ZSCAN5A: variants seen among roughly 807,000 people sequenced by gnomAD.
ZSCAN5A encodes zinc finger and SCAN domain-containing protein 5A.
Under a neutral mutation model 23.7 loss-of-function variants are expected in ZSCAN5A, and 12 were observed. That is an observed-to-expected ratio of 0.51 (90% CI 0.32 to 0.82). The LOEUF (loss-of-function observed/expected upper bound fraction) is 0.82. Ranked by LOEUF, ZSCAN5A falls within the 40% of genes least tolerant of loss-of-function variation. ZSCAN5A has a pLI of 0.03. For missense variants in ZSCAN5A, 597 were observed against 617.9 expected (o/e 0.97, Z 0.36); for synonymous variants, 257 against 239.9 (o/e 1.07, Z -0.66).
intron 2 of ZSCAN5A, chr19:56,299,724 CTTAG>C (rs1345980093): frequency 3.3e-5 from 5 of 152,142 alleles, no homozygotes; most frequent in South Asian, 2.1e-4. Context: ...GTAAATGCTC[CTTAG>C]TTATTGTACT....
At chr19:56,259,949 G>A (rs1324480201) in intron 2 of ZSCAN5A, among the ~76,000 whole-genome samples, 3 of 152,190 alleles carry the variant, frequency 2.0e-5, no homozygotes, top group Non-Finnish European at 2.9e-5. Flanking sequence ...ACGCCAGCCT[G>A]GGTGACAGAG....
rs1382185839 is a variant in ZSCAN5A at position 56,355,156 on chromosome 19, G to A, written c.-358+8079C>T. Among the ~76,000 whole-genome samples the A allele has an allele frequency of 2.4e-5, 3 of 124,914 alleles. 1 individual carries two copies. The highest frequency in any genetic ancestry group is 1.0e-4 in the African/African-American group (3 of 29,928). The allele number at this position is 124,914 out of a possible 152,430, so 81.9% of individuals were successfully genotyped here. On this transcript the variant is annotated intron_variant, in intron 2 of 6. Coordinates refer to the ZSCAN5A transcript ENST00000587340. ...TTTTGTTCCCAATTGACAGCTCCACGGGTCTCCCATACATAATTTCAGAAG... is the reference window on the plus strand; with the variant it reads ...TTTTGTTCCCAATTGACAGCTCCACAGGTCTCCCATACATAATTTCAGAAG...
intron 2 of ZSCAN5A, chr19:56,348,231 G>GTC (rs887374903): frequency 4.6e-5 from 7 of 152,178 alleles, no homozygotes; most frequent in African/African-American, 7.2e-5. Flanking sequence ...ACTAGAGCTA[G>GTC]TCTCTCTCTG....
At chr19:56,366,233 G>C (rs1364545388) in intron 1 of ZSCAN5A, among the ~76,000 whole-genome samples, 1 of 151,974 alleles carries the variant, frequency 6.6e-6, no homozygotes, top group Non-Finnish European at 1.5e-5. Context: ...CACGAGGTCA[G>C]AGATCGAGAC....
intron 2 of ZSCAN5A, among the ~76,000 whole-genome samples, chr19:56,335,367 CAT>C (rs1173867572): frequency 1.3e-5 from 2 of 152,050 alleles, no homozygotes; most frequent in East Asian, 3.9e-4. Context: ...ATTTGGAAAA[CAT>C]ATTTTAGGAT....
chr19:56,227,242 C>A (rs1289985698), intron 2 of ZSCAN5A, among the ~76,000 whole-genome samples: 1 of 152,142 alleles, frequency 6.6e-6, no homozygotes, highest in Non-Finnish European at 1.5e-5. Flanking sequence ...AGCCATTTAA[C>A]AATGTTTGTA....
intron 2 of ZSCAN5A, among the ~76,000 whole-genome samples, chr19:56,333,301 A>G (rs183623901): frequency 3.3e-5 from 5 of 152,052 alleles, no homozygotes; most frequent in African/African-American, 7.2e-5. Flanking sequence ...TCATTAATTC[A>G]TAAGTTTGGT....
Position 56,351,007 on chromosome 19 carries a change from C to T in ZSCAN5A, c.-358+12228G>A, listed in dbSNP as rs757576329. Among the ~76,000 whole-genome samples, 2 of 151,940 alleles carry T rather than the reference C, an allele frequency of 1.3e-5. No homozygotes were observed. The highest frequency in any genetic ancestry group is 2.4e-5 in the African/African-American group (1 of 41,342). ...CAATTGCTGTCCCCCCCCAACCACA[C>T]GCCCCTTTTCAGCAGACAGTACCCA... On this transcript the variant is annotated intron_variant, in intron 2 of 6. Coordinates refer to the ZSCAN5A transcript ENST00000587340. This position sits in a 1 kb window ranked among gnomAD's most constrained non-coding sequence, Gnocchi z 4.8.
At chr19:56,289,035 G>T (rs2039334161) in intron 2 of ZSCAN5A, among the ~76,000 whole-genome samples, 1 of 152,174 alleles carries the variant, frequency 6.6e-6, no homozygotes, top group South Asian at 2.1e-4. Flanking sequence ...AGCATCATCA[G>T]TACAGATTCT....
chr19:56,238,407 A>G (rs1014425769), intron 2 of ZSCAN5A, among the ~76,000 whole-genome samples: 3 of 152,192 alleles, frequency 2.0e-5, no homozygotes, highest in East Asian at 1.9e-4. Flanking sequence ...CACCAAGGAC[A>G]GGTAGAGGCC....
chr19:56,360,893 G>A (rs761779457), intron 2 of ZSCAN5A, among the ~76,000 whole-genome samples: 1 of 152,270 alleles, frequency 6.6e-6, no homozygotes, highest in East Asian at 1.9e-4. Context: ...TATCATCAGA[G>A]TGAATAAGCA....
At chr19:56,328,281 G>C (rs2041455091) in intron 2 of ZSCAN5A, among the ~76,000 whole-genome samples, 1 of 152,110 alleles carries the variant, frequency 6.6e-6, no homozygotes, top group African/African-American at 2.4e-5. Context: ...TGCTGTCACA[G>C]AATGCAAACT....
intron 2 of ZSCAN5A, among the ~76,000 whole-genome samples, chr19:56,250,891 C>T (rs771839325): frequency 6.6e-6 from 1 of 152,076 alleles, no homozygotes; most frequent in Non-Finnish European, 1.5e-5. Context: ...ACTAAATGAC[C>T]ACTGATCCCA....
At chr19:56,337,894 G>GT (rs1174701777) in intron 2 of ZSCAN5A, among the ~76,000 whole-genome samples, 1 of 152,200 alleles carries the variant, frequency 6.6e-6, no homozygotes, top group Non-Finnish European at 1.5e-5. Flanking sequence ...AGATTTGTAA[G>GT]TTTTTCTTTT....
intron 2 of ZSCAN5A, among the ~76,000 whole-genome samples, chr19:56,307,634 C>G (rs767671636): frequency 6.6e-6 from 1 of 152,042 alleles, no homozygotes; most frequent in Non-Finnish European, 1.5e-5. Flanking sequence ...AAAATCTGAG[C>G]CCACAGAGAT....
chr19:56,262,841 C>T (rs2037222306), intron 2 of ZSCAN5A, among the ~76,000 whole-genome samples: 1 of 152,152 alleles, frequency 6.6e-6, no homozygotes, highest in South Asian at 2.1e-4. Flanking sequence ...TTTATCCATT[C>T]CTTGATTTAT....
intron 2 of ZSCAN5A, among the ~76,000 whole-genome samples, chr19:56,303,240 G>A (rs1443967553): frequency 6.6e-6 from 1 of 152,168 alleles, no homozygotes; most frequent in Non-Finnish European, 1.5e-5. Context: ...AGCACTGTGG[G>A]AGGCTGAGGC....
At chr19:56,287,619 C>A (rs578196891) in intron 2 of ZSCAN5A, among the ~76,000 whole-genome samples, 1 of 152,112 alleles carries the variant, frequency 6.6e-6, no homozygotes, top group African/African-American at 2.4e-5. Context: ...GCCACGAAAC[C>A]AAGTACCAAT....
At chr19:56,295,482 C>T (rs1318742702) in intron 2 of ZSCAN5A, among the ~76,000 whole-genome samples, 1 of 152,084 alleles carries the variant, frequency 6.6e-6, no homozygotes. Context: ...GTGCTCCCAG[C>T]TACTCAGGAG....
Sources: gnomAD v4.1 joint callset for allele counts (sites outside exome capture counted in the v4.1 genomes callset) on GRCh38, gnomAD v4.1.1 for gene constraint, Gnocchi (gnomAD v3.1) non-coding constraint, MANE v1.5 for transcripts, NCBI Gene and HGNC (gene_info 2026-07-23, HGNC 2026-07-21) for gene names.